The following BMERB1 variants were observed in gnomAD, a reference collection of about 807,000 sequenced individuals.
The protein encoded by BMERB1 is bMERB domain containing 1.
BMERB1 carries 12 observed loss-of-function variants against 23.6 expected under a neutral mutation model. That is an observed-to-expected ratio of 0.51 (90% CI 0.33 to 0.82). The LOEUF (loss-of-function observed/expected upper bound fraction) is 0.82, where lower values mean the gene tolerates loss of function less well. BMERB1 is among the 40% of genes least tolerant of loss of function. BMERB1 has a pLI of 0.03. For synonymous variants in BMERB1, 122 were observed against 96.6 expected (o/e 1.26, Z -1.54); for missense variants, 247 against 255.4 (o/e 0.97, Z 0.22).
chr16:15,491,075 C>A (rs1438218338), intron 1 of BMERB1, among the ~76,000 whole-genome samples: 1 of 152,164 alleles, frequency 6.6e-6, no homozygotes, highest in Admixed American at 6.5e-5. Context: ...GTCTCGAACT[C>A]CTGAGCTCAA....
chr16:15,479,848 A>T (rs1312213283), intron 1 of BMERB1, among the ~76,000 whole-genome samples: 2 of 151,744 alleles, frequency 1.3e-5, no homozygotes, highest in African/African-American at 4.8e-5. Flanking sequence ...TGGGAGGCTG[A>T]GGTGGGAGGA....
chr16:15,585,353 C>T (rs1487375080), intron 5 of BMERB1, among the ~76,000 whole-genome samples: 1 of 152,216 alleles, frequency 6.6e-6, no homozygotes, highest in Non-Finnish European at 1.5e-5. Context: ...GCCAACTTTA[C>T]ACTACTCATC....
chr16:15,521,158 A>G (rs1220890745), intron 2 of BMERB1, among the ~76,000 whole-genome samples: 1 of 152,220 alleles, frequency 6.6e-6, no homozygotes, highest in Non-Finnish European at 1.5e-5. Context: ...CGCAATTAAA[A>G]TCTTCCTTGG....
chr16:15,565,754 A>G (rs1246528640), intron 2 of BMERB1, among the ~76,000 whole-genome samples: 1 of 152,172 alleles, frequency 6.6e-6, no homozygotes, highest in Non-Finnish European at 1.5e-5. Context: ...CAGCTACTTC[A>G]GAGGCTGAGG....
At chr16:15,562,228 G>T (rs1281968817) in intron 2 of BMERB1, among the ~76,000 whole-genome samples, 2 of 151,332 alleles carry the variant, frequency 1.3e-5, no homozygotes, top group Non-Finnish European at 2.9e-5. Context: ...ACTTGAACCC[G>T]GGAGGCAAAG....
intron 2 of BMERB1, among the ~76,000 whole-genome samples, chr16:15,537,754 C>G (rs966299757): frequency 4.0e-5 from 6 of 151,548 alleles, no homozygotes; most frequent in African/African-American, 1.2e-4. Context: ...AACTCCTGGG[C>G]TCCAGTGATC....
chr16:15,572,397 C>T (rs1161925924), intron 3 of BMERB1, among the ~76,000 whole-genome samples: 1 of 152,120 alleles, frequency 6.6e-6, no homozygotes, highest in African/African-American at 2.4e-5. Context: ...TGTGTAGGCC[C>T]TAAGGATAAA....
At chr16:15,456,484 A>G (rs1215061749) in intron 1 of BMERB1, among the ~76,000 whole-genome samples, 3 of 152,018 alleles carry the variant, frequency 2.0e-5, no homozygotes, top group Admixed American at 1.3e-4. Flanking sequence ...CTACAGGCAC[A>G]TGCCACCACA....
intron 1 of BMERB1, among the ~76,000 whole-genome samples, chr16:15,437,969 G>A (rs2150919580): frequency 6.6e-6 from 1 of 150,856 alleles, no homozygotes; most frequent in Admixed American, 6.7e-5. Context: ...AAAAAAAAGA[G>A]TCTGGTATAA....
intron 1 of BMERB1, among the ~76,000 whole-genome samples, chr16:15,480,109 A>G (rs1598462331): frequency 6.7e-6 from 1 of 149,966 alleles, no homozygotes; most frequent in South Asian, 2.1e-4. Context: ...TAGAGATCTG[A>G]TTTTATTAAT....
chr16:15,574,578 G>A (rs2030810675), intron 3 of BMERB1, among the ~76,000 whole-genome samples: 1 of 151,852 alleles, frequency 6.6e-6, no homozygotes, highest in African/African-American at 2.4e-5. Context: ...TTTTGCAATG[G>A]CGATTTCAGT....
chr16:15,435,618 C>A (rs1025032737), intron 1 of BMERB1, among the ~76,000 whole-genome samples: 1 of 152,200 alleles, frequency 6.6e-6, no homozygotes, highest in Admixed American at 6.5e-5. Context: ...AGGAGAGGTC[C>A]TTCTCAGGGA....
intron 1 of BMERB1, among the ~76,000 whole-genome samples, chr16:15,465,906 C>T (rs2051176569): frequency 6.6e-6 from 1 of 152,154 alleles, no homozygotes; most frequent in Non-Finnish European, 1.5e-5. Context: ...CATGTTGAAA[C>T]ATGTAGATCA....
chr16:15,463,001 C>T (rs1216779639), intron 1 of BMERB1, among the ~76,000 whole-genome samples: 2 of 152,032 alleles, frequency 1.3e-5, no homozygotes, highest in African/African-American at 2.4e-5. Flanking sequence ...GAAAGCATTA[C>T]AGGTGGCCAG....
intron 1 of BMERB1, among the ~76,000 whole-genome samples, chr16:15,489,970 C>T (rs1406665667): frequency 6.6e-6 from 1 of 152,018 alleles, no homozygotes; most frequent in Non-Finnish European, 1.5e-5. Flanking sequence ...GGGTTCACGC[C>T]ATTCTCCTGC....
chr16:15,491,072 A>G (rs1840259197), intron 1 of BMERB1, among the ~76,000 whole-genome samples: 1 of 151,898 alleles, frequency 6.6e-6, no homozygotes, highest in South Asian at 2.1e-4. Flanking sequence ...CTGGTCTCGA[A>G]CTCCTGAGCT....
chr16:15,470,715 G>T (rs1410090473), intron 1 of BMERB1, among the ~76,000 whole-genome samples: 1 of 151,332 alleles, frequency 6.6e-6, no homozygotes, highest in Non-Finnish European at 1.5e-5. Flanking sequence ...TAGTAGAGAC[G>T]GGGTTTCACC....
At chr16:15,580,813 G>T (rs949224253) in intron 3 of BMERB1, among the ~76,000 whole-genome samples, 6 of 149,334 alleles carry the variant, frequency 4.0e-5, no homozygotes, top group Non-Finnish European at 8.9e-5. Flanking sequence ...CCAAAGTGCT[G>T]GGATTACAGG....
At chr16:15,558,016 C>T (rs2030312684) in intron 2 of BMERB1, among the ~76,000 whole-genome samples, 1 of 152,068 alleles carries the variant, frequency 6.6e-6, no homozygotes, top group Non-Finnish European at 1.5e-5. Flanking sequence ...TGCACTCCAG[C>T]CTGGGCAACA....
Sources: allele counts gnomAD v4.1 joint callset (sites outside exome capture counted in the v4.1 genomes callset), GRCh38; gene constraint gnomAD v4.1.1; transcripts MANE v1.5; gene names NCBI Gene and HGNC (gene_info 2026-07-23, HGNC 2026-07-21).